MPHOSPH9: variants seen among roughly 807,000 people sequenced by gnomAD.
MPHOSPH9 encodes M-phase phosphoprotein 9.
MPHOSPH9 carries 88 observed loss-of-function variants against 145.5 expected under a neutral mutation model. The observed-to-expected ratio is 0.60, with a 90% CI of 0.51 to 0.72. The LOEUF (loss-of-function observed/expected upper bound fraction) is 0.72. MPHOSPH9 is among the 30% of genes least tolerant of loss of function. The pLI is 0.00. For synonymous variants in MPHOSPH9, 435 were observed against 486.2 expected (o/e 0.89, Z 1.39); for missense variants, 1,238 against 1,386.6 (o/e 0.89, Z 1.70).
intron 7 of MPHOSPH9, among the ~76,000 whole-genome samples, chr12:123,213,488 T>C (rs564131205): frequency 1.3e-5 from 2 of 152,196 alleles, no homozygotes; most frequent in African/African-American, 4.8e-5. Context: ...TACAGGCGCA[T>C]CACCATCCCT....
intron 18 of MPHOSPH9, 32 bp downstream of exon 18, chr12:123,165,270 T>C: frequency 6.5e-7 from 1 of 1,537,384 alleles, no homozygotes; most frequent in South Asian, 1.2e-5. Flanking sequence ...AAGATATCTA[T>C]ATCCATCTAT....
chr12:123,215,401 C>T (rs2046914168), intron 6 of MPHOSPH9, among the ~76,000 whole-genome samples: 1 of 151,660 alleles, frequency 6.6e-6, no homozygotes, highest in South Asian at 2.1e-4. Context: ...GGTATTATTT[C>T]GTGAGTTCAG....
chr12:123,189,127 C>G (rs908205807), intron 13 of MPHOSPH9, among the ~76,000 whole-genome samples: 38 of 152,188 alleles, frequency 2.5e-4, no homozygotes, highest in African/African-American at 9.2e-4. Context: ...GATGCTCTTT[C>G]AGGACTCTTG....
At chr12:123,227,687 G>A in intron 2 of MPHOSPH9, 71 bp from the exon 3 acceptor site, 1 of 1,308,424 alleles carries the variant, frequency 7.6e-7, no homozygotes, top group Admixed American at 2.7e-5. Context: ...AGCAGTTCAA[G>A]ATTTAGCAGA....
At chr12:123,166,508 T>C (rs1386481145) in intron 17 of MPHOSPH9, 147 bp downstream of exon 17, 11 of 896,294 alleles carry the variant, frequency 1.2e-5, no homozygotes, top group Non-Finnish European at 1.9e-5. Flanking sequence ...CTAAAAGTAG[T>C]AGCCTTTCAA....
intron 14 of MPHOSPH9, 23 bp downstream of exon 14, chr12:123,181,140 G>A: frequency 5.7e-6 from 9 of 1,590,830 alleles, no homozygotes; most frequent in Non-Finnish European, 7.8e-6. Context: ...ATGAAATCTA[G>A]AACATGAACC....
At chr12:123,171,996 C>T (rs891318826) in intron 16 of MPHOSPH9, among the ~76,000 whole-genome samples, 12 of 152,286 alleles carry the variant, frequency 7.9e-5, no homozygotes, top group East Asian at 5.8e-4. Flanking sequence ...CGTTTTCATA[C>T]GTTTACTATG....
At chr12:123,230,214 A>G (rs2047588178) in intron 2 of MPHOSPH9, 47 bp downstream of exon 2, 2 of 997,116 alleles carry the variant, frequency 2.0e-6, no homozygotes, top group Non-Finnish European at 3.0e-6. Flanking sequence ...ACGTATGCAA[A>G]TAAGGTTATT....
At chr12:123,188,719 A>C (rs1389782994) in intron 13 of MPHOSPH9, among the ~76,000 whole-genome samples, 2 of 152,126 alleles carry the variant, frequency 1.3e-5, no homozygotes, top group African/African-American at 4.8e-5. Context: ...ATGGTGGTGC[A>C]CACCTGTACT....
rs1555223326 is a variant in MPHOSPH9 at position 123,193,096 on chromosome 12, A to AAT, written c.2241+1288_2241+1289dup. On this transcript the variant is annotated intron_variant, in intron 13 of 23. Coordinates refer to ENST00000606320, the MANE Select transcript of MPHOSPH9 (RefSeq NM_022782.4). ...CAAAAAAAAAAAAAAAAAAAAAAAA[A>AAT]ATATATATATATACACACACACACA... Among the ~76,000 whole-genome samples the AAT allele has an allele frequency of 8.0e-5, 7 of 87,224 alleles. 1 individual carries two copies. Among genetic ancestry groups the AAT allele is most frequent in the Non-Finnish European group, 1.0e-4 (5 of 48,664 alleles). 57.2% of individuals were successfully genotyped at this position (87,224 alleles called of 152,430 possible).
chr12:123,163,413 C>T, intron 19 of MPHOSPH9: 1 of 334,382 alleles, frequency 3.0e-6, no homozygotes, highest in East Asian at 6.3e-5. Context: ...AAGATGGAAA[C>T]AGCAGTACAC....
chr12:123,203,720 G>A (rs1008070512), intron 8 of MPHOSPH9, among the ~76,000 whole-genome samples: 4 of 152,174 alleles, frequency 2.6e-5, no homozygotes, highest in Admixed American at 6.6e-5. Context: ...GTCTCACCCT[G>A]TTGCCCAGGC....
intron 13 of MPHOSPH9, among the ~76,000 whole-genome samples, chr12:123,194,086 T>C (rs1417565753): frequency 6.6e-6 from 1 of 151,976 alleles, no homozygotes; most frequent in Non-Finnish European, 1.5e-5. Flanking sequence ...CAGGCCAACA[T>C]GGGGAAACCC....
intron 7 of MPHOSPH9, among the ~76,000 whole-genome samples, chr12:123,214,167 G>A (rs2046864131): frequency 6.6e-6 from 1 of 152,150 alleles, no homozygotes; most frequent in African/African-American, 2.4e-5. Context: ...AAAGGTTGAT[G>A]ATTTTTACAG....
intron 13 of MPHOSPH9, among the ~76,000 whole-genome samples, chr12:123,182,262 T>TTC (rs200320838): frequency 0.4 from 44,590 of 110,166 alleles, 9,149 homozygotes; most frequent in East Asian, 0.74. Context: ...TTTTTTTTTG[T>TTC]TTTTTTTTTT....
Position 123,230,252 on chromosome 12 carries a change from C to T in MPHOSPH9, c.104+9G>A. 3 of 1,403,790 alleles carry T rather than the reference C, an allele frequency of 2.1e-6. No individual in the cohort carries two copies. The highest frequency in any genetic ancestry group is 1.3e-5 in the South Asian group (1 of 77,984). 87.0% of individuals were successfully genotyped at this position (1,403,790 alleles called of 1,614,324 possible). ...GATTTGGTACATTTTTTTTAAATCCCATTCTTACCTATCAGTATTTAAGTT... is the reference window on the plus strand; with the variant it reads ...GATTTGGTACATTTTTTTTAAATCCTATTCTTACCTATCAGTATTTAAGTT... On this transcript the variant is annotated intron_variant, in intron 2 of 23. Transcript: ENST00000606320.
At chr12:123,164,201 C>T in intron 18 of MPHOSPH9, 111 bp from the exon 19 acceptor site, 1 of 1,238,176 alleles carries the variant, frequency 8.1e-7, no homozygotes, top group East Asian at 2.3e-5. Context: ...CCAAGCCCCA[C>T]AGCTTAGGTT....
At chr12:123,239,561 C>G (rs896387725) in intron 1 of MPHOSPH9, among the ~76,000 whole-genome samples, 1 of 152,052 alleles carries the variant, frequency 6.6e-6, no homozygotes, top group African/African-American at 2.4e-5. Flanking sequence ...TGCAACCATG[C>G]CCAGCTAATT....
chr12:123,200,300 CTT>C (rs200819299), intron 11 of MPHOSPH9, among the ~76,000 whole-genome samples: 2 of 143,454 alleles, frequency 1.4e-5, no homozygotes, highest in African/African-American at 2.5e-5. Context: ...TGTAACACAG[CTT>C]TTTTTTTTTT....
Sources: gnomAD v4.1 joint callset for allele counts (sites outside exome capture counted in the v4.1 genomes callset) on GRCh38, gnomAD v4.1.1 for gene constraint, MANE v1.5 for transcripts, NCBI Gene and HGNC (gene_info 2026-07-23, HGNC 2026-07-21) for gene names.